The following DACH1 variants were observed in gnomAD, a reference collection of about 807,000 sequenced individuals.
The protein encoded by DACH1 is dachshund homolog 1.
DACH1 carries 12 observed loss-of-function variants against 54.2 expected under a neutral mutation model. That is an observed-to-expected ratio of 0.22 (90% CI 0.14 to 0.36). The LOEUF (loss-of-function observed/expected upper bound fraction) is 0.36. Ranked by LOEUF, DACH1 falls within the 10% of genes least tolerant of loss-of-function variation. The probability of loss-of-function intolerance (pLI) is 1.00; values close to 1 mark genes in which losing one functional copy is unlikely to be tolerated. For missense variants in DACH1, 805 were observed against 929.8 expected (o/e 0.87, Z 1.75); for synonymous variants, 386 against 366.2 (o/e 1.05, Z -0.62).
chr13:71,593,080 T>C (rs557496518), intron 3 of DACH1, among the ~76,000 whole-genome samples: 26 of 152,232 alleles, frequency 1.7e-4, no homozygotes, highest in Admixed American at 4.6e-4. Context: ...ATTAGAGAGT[T>C]TTAAATAGAA....
intron 6 of DACH1, among the ~76,000 whole-genome samples, chr13:71,529,040 A>G (rs565687929): frequency 2.0e-5 from 3 of 152,152 alleles, no homozygotes; most frequent in Non-Finnish European, 1.5e-5. Context: ...ATAGAAATGT[A>G]TATATTTACC....
Position 71,653,024 on chromosome 13 carries a change from G to T in DACH1, c.965-22307C>A, listed in dbSNP as rs2138627966. ...ATGAGACCTCATCTTTCTACATATT[G>T]CAAGTCCAGATTCGGAAGCTTAAAC... On this transcript the variant is annotated intron_variant, in intron 2 of 10. Transcript: ENST00000613252. Among the ~76,000 whole-genome samples the T allele has an allele frequency of 2.6e-5, 4 of 152,236 alleles. 1 individual carries two copies. In the Middle Eastern group the frequency reaches 0.01, roughly 388 times the overall value.
intron 1 of DACH1, among the ~76,000 whole-genome samples, chr13:71,782,504 T>C (rs1217859692): frequency 6.6e-6 from 1 of 152,002 alleles, no homozygotes; most frequent in African/African-American, 2.4e-5. Flanking sequence ...GAAAAAGAAA[T>C]GTTTGTGTTC....
chr13:71,518,365 T>G (rs1025065922), intron 6 of DACH1, among the ~76,000 whole-genome samples: 1 of 151,666 alleles, frequency 6.6e-6, no homozygotes, highest in African/African-American at 2.4e-5. Context: ...ACCTTGATTT[T>G]GAACTTCTAG....
chr13:71,788,776 G>GA (rs58706530), intron 1 of DACH1, among the ~76,000 whole-genome samples: 24,754 of 151,824 alleles, frequency 0.16, 3,841 homozygotes, highest in East Asian at 0.84. Context: ...CTCATAATTG[G>GA]AAAAAATGCA....
At chr13:71,754,265 G>A (rs1217122175) in intron 1 of DACH1, among the ~76,000 whole-genome samples, 2 of 152,134 alleles carry the variant, frequency 1.3e-5, no homozygotes, top group Non-Finnish European at 2.9e-5. Context: ...CATCGCCCAT[G>A]GCTCTGGATA....
intron 6 of DACH1, among the ~76,000 whole-genome samples, chr13:71,546,820 A>G (rs1293413683): frequency 6.6e-6 from 1 of 152,058 alleles, no homozygotes; most frequent in Non-Finnish European, 1.5e-5. Context: ...TTGAATACTT[A>G]TTTTATTAAT....
chr13:71,828,342 G>C (rs1021813434), intron 1 of DACH1, among the ~76,000 whole-genome samples: 1 of 151,970 alleles, frequency 6.6e-6, no homozygotes, highest in African/African-American at 2.4e-5. Context: ...ATCTGTGTCT[G>C]CTTCTCTCTC....
intron 6 of DACH1, among the ~76,000 whole-genome samples, chr13:71,538,223 C>T (rs1882925508): frequency 6.6e-6 from 1 of 152,004 alleles, no homozygotes; most frequent in Admixed American, 6.6e-5. Flanking sequence ...AATCTAATTA[C>T]TTCAATCATA....
intron 6 of DACH1, among the ~76,000 whole-genome samples, chr13:71,533,140 A>C (rs1357338466): frequency 6.6e-6 from 1 of 151,844 alleles, no homozygotes; most frequent in Non-Finnish European, 1.5e-5. Flanking sequence ...CATTCTTTTA[A>C]AAAATTATTA....
At chr13:71,740,758 T>A (rs1262727546) in intron 1 of DACH1, among the ~76,000 whole-genome samples, 3 of 152,156 alleles carry the variant, frequency 2.0e-5, no homozygotes, top group Non-Finnish European at 4.4e-5. Context: ...AAGTGAAAAG[T>A]TACAAGAATC....
intron 3 of DACH1, among the ~76,000 whole-genome samples, chr13:71,582,737 C>T (rs1872939245): frequency 6.6e-6 from 1 of 152,096 alleles, no homozygotes. Flanking sequence ...ATCATTCTGA[C>T]CATAGCTTCT....
chr13:71,522,098 T>C (rs1189202043), intron 6 of DACH1, among the ~76,000 whole-genome samples: 3 of 152,128 alleles, frequency 2.0e-5, no homozygotes. Flanking sequence ...GAATAACTAA[T>C]GGAACATAAA....
chr13:71,746,636 TAAACAAACAAAC>T (rs113135423), intron 1 of DACH1, among the ~76,000 whole-genome samples: 1 of 151,896 alleles, frequency 6.6e-6, no homozygotes, highest in Non-Finnish European at 1.5e-5. Flanking sequence ...AGAAATGGTA[TAAACAAACAAAC>T]AAACAAACAA....
At chr13:71,833,257 T>C (rs771849594) in intron 1 of DACH1, among the ~76,000 whole-genome samples, 2 of 151,976 alleles carry the variant, frequency 1.3e-5, no homozygotes, top group Admixed American at 6.6e-5. Context: ...CCAGTGGATG[T>C]AGGTCACTTT....
chr13:71,700,802 C>CAAAATT (rs1272745310), intron 1 of DACH1, among the ~76,000 whole-genome samples: 3 of 152,072 alleles, frequency 2.0e-5, no homozygotes, highest in Admixed American at 6.6e-5. Context: ...TATTTGAAAA[C>CAAAATT]AAAATTAATG....
rs1874777582 is a variant in DACH1 at position 71,866,384 on chromosome 13, G to A, written c.386C>T (p.Ala129Val). ...GCTGGCGTTGATGGGGGTGCTGGAA[G>A]CGACGCCGCCGCCAGCGCTGATGCC... The part of the protein sequence containing the change: ...GGGISAGGGV[A>V]SSTPINASTG... Residue 129 changes from alanine to valine, a missense_variant, in exon 1 of 11, where the codon GCT (alanine) becomes GTT (valine). Transcript: ENST00000613252. The A allele has an allele frequency of 2.0e-6, 3 of 1,497,216 alleles. No individual in the cohort carries two copies. Among genetic ancestry groups the A allele is most frequent in the African/African-American group, 1.4e-5 (1 of 70,906 alleles). 92.7% of individuals were successfully genotyped at this position (1,497,216 alleles called of 1,614,324 possible).
intron 1 of DACH1, among the ~76,000 whole-genome samples, chr13:71,806,515 G>A (rs1887510808): frequency 6.6e-6 from 1 of 151,988 alleles, no homozygotes; most frequent in Non-Finnish European, 1.5e-5. Context: ...TTGCCTTATA[G>A]GCAGTCAGCC....
chr13:71,627,848 A>G (rs1238750031), intron 3 of DACH1, among the ~76,000 whole-genome samples: 1 of 152,078 alleles, frequency 6.6e-6, no homozygotes, highest in South Asian at 2.1e-4. Flanking sequence ...AATAGCTACC[A>G]GAGACAATGG....
Sources: allele counts gnomAD v4.1 joint callset (sites outside exome capture counted in the v4.1 genomes callset), GRCh38; gene constraint gnomAD v4.1.1; transcripts MANE v1.5; gene names NCBI Gene and HGNC (gene_info 2026-07-23, HGNC 2026-07-21).